Variants in RBFOX1 observed in about 807,000 individuals in gnomAD.
RBFOX1 encodes the protein RNA binding protein fox-1 homolog 1.
A neutral mutation model predicts 57.7 loss-of-function variants in RBFOX1; 8 were observed. That is an observed-to-expected ratio of 0.14 (90% confidence interval 0.08 to 0.25). The LOEUF (loss-of-function observed/expected upper bound fraction) is 0.25. RBFOX1 is among the 10% of genes least tolerant of loss of function. RBFOX1 has a pLI of 1.00. For synonymous variants in RBFOX1, 326 were observed against 222.4 expected (o/e 1.47, Z -4.15); for missense variants, 611 against 548.5 (o/e 1.11, Z -1.14).
chr16:7,540,772 A>G (rs1345309764), intron 5 of RBFOX1, among the ~76,000 whole-genome samples: 1 of 152,224 alleles, frequency 6.6e-6, no homozygotes, highest in Non-Finnish European at 1.5e-5. Flanking sequence ...TCATGTTGTC[A>G]TCCCAGCACT....
intron 3 of RBFOX1, among the ~76,000 whole-genome samples, chr16:6,694,039 T>G (rs1374096042): frequency 6.6e-6 from 1 of 152,272 alleles, no homozygotes; most frequent in African/African-American, 2.4e-5. Context: ...AGGCATGTGT[T>G]TGTCATATGT....
At chr16:6,962,215 A>C (rs758069519) in intron 3 of RBFOX1, among the ~76,000 whole-genome samples, 80 of 152,114 alleles carry the variant, frequency 5.3e-4, no homozygotes, top group Non-Finnish European at 9.0e-4. Context: ...GCTTGTTTGC[A>C]CATGGCCTTC....
chr16:6,396,529 G>T (rs1204802659), intron 2 of RBFOX1, among the ~76,000 whole-genome samples: 2 of 152,154 alleles, frequency 1.3e-5, no homozygotes, highest in Non-Finnish European at 2.9e-5. Flanking sequence ...GGCTCTAGGG[G>T]AGCCCGTGGG....
chr16:7,020,750 C>T (rs2038762790), intron 3 of RBFOX1, among the ~76,000 whole-genome samples: 4 of 152,090 alleles, frequency 2.6e-5, no homozygotes, highest in Admixed American at 2.6e-4. Context: ...GAACCATGAG[C>T]TCAGTGAAAT....
chr16:5,307,915 C>G (rs998377536), intron 1 of RBFOX1, among the ~76,000 whole-genome samples: 1 of 152,170 alleles, frequency 6.6e-6, no homozygotes, highest in African/African-American at 2.4e-5. Context: ...AGGCCTCAGG[C>G]AATCCTCCTG....
At chr16:7,413,695 C>T (rs1568736024) in intron 4 of RBFOX1, among the ~76,000 whole-genome samples, 1 of 151,954 alleles carries the variant, frequency 6.6e-6, no homozygotes, top group Admixed American at 6.6e-5. Context: ...GCGGGTGTGG[C>T]ATTCAGAAAT....
chr16:7,532,712 G>A (rs188056423), intron 5 of RBFOX1, among the ~76,000 whole-genome samples: 128 of 152,282 alleles, frequency 8.4e-4, no homozygotes, highest in African/African-American at 2.8e-3. Flanking sequence ...CGATGTTTTT[G>A]TCAATAAAGT....
At chr16:7,622,496 T>G (rs1186500918) in intron 10 of RBFOX1, among the ~76,000 whole-genome samples, 1 of 152,216 alleles carries the variant, frequency 6.6e-6, no homozygotes, top group African/African-American at 2.4e-5. Context: ...AGTGAGTCAT[T>G]AAAATTTTCA....
At chr16:5,977,633 G>C (rs1486824878) in intron 4 of RBFOX1, among the ~76,000 whole-genome samples, 2 of 152,096 alleles carry the variant, frequency 1.3e-5, no homozygotes, top group South Asian at 4.2e-4. Context: ...TGAGAGGGGA[G>C]AGCAGCCACA....
intron 11 of RBFOX1, among the ~76,000 whole-genome samples, chr16:7,648,113 T>C (rs114073116): frequency 0.012 from 1,846 of 152,300 alleles, 19 homozygotes; most frequent in Middle Eastern, 0.041. Context: ...TGGCAAACAG[T>C]TGTGTGTGTG....
chr16:6,049,215 C>T (rs532000850), intron 1 of RBFOX1, among the ~76,000 whole-genome samples: 6 of 151,930 alleles, frequency 3.9e-5, no homozygotes, highest in Non-Finnish European at 7.4e-5. Flanking sequence ...AGGTGCCCAC[C>T]ACCATGCCTG....
At chr16:6,720,868 C>T (rs1416871787) in intron 3 of RBFOX1, among the ~76,000 whole-genome samples, 4 of 152,152 alleles carry the variant, frequency 2.6e-5, no homozygotes, top group Non-Finnish European at 5.9e-5. Flanking sequence ...TTCATTCCCT[C>T]TCTTTGCACA....
At chr16:7,659,621 T>A (rs143837762) in intron 12 of RBFOX1, among the ~76,000 whole-genome samples, 166 of 152,318 alleles carry the variant, frequency 1.1e-3, no homozygotes, top group African/African-American at 3.7e-3. Flanking sequence ...TCTCATAATG[T>A]TTTAAGAAAG....
At chr16:6,032,007 A>AT (rs1032752062) in intron 1 of RBFOX1, among the ~76,000 whole-genome samples, 7 of 151,916 alleles carry the variant, frequency 4.6e-5, no homozygotes, top group Non-Finnish European at 7.4e-5. Context: ...ACTTTCAGAG[A>AT]TTTTTTTAAA....
intron 3 of RBFOX1, among the ~76,000 whole-genome samples, chr16:5,646,219 G>GTTTCACCGTGTTAGCCAGGA (rs2151345810): frequency 6.7e-6 from 1 of 148,540 alleles, no homozygotes; most frequent in Non-Finnish European, 1.5e-5. Flanking sequence ...TGGAGACAGG[G>GTTTCACCGTGTTAGCCAGGA]TTTCACCGTG....
At chr16:6,183,768 A>G (rs1406767874) in intron 1 of RBFOX1, among the ~76,000 whole-genome samples, 1 of 152,060 alleles carries the variant, frequency 6.6e-6, no homozygotes, top group Non-Finnish European at 1.5e-5. Context: ...GGGGTAGGGG[A>G]GAAAAAGAGA....
intron 1 of RBFOX1, among the ~76,000 whole-genome samples, chr16:5,352,776 C>G (rs981594981): frequency 6.6e-6 from 1 of 151,928 alleles, no homozygotes; most frequent in Non-Finnish European, 1.5e-5. Context: ...AAACCTGTCC[C>G]TACAAAAAAT....
At chr16:6,475,834 G>C (rs536726311) in intron 2 of RBFOX1, among the ~76,000 whole-genome samples, 1 of 152,094 alleles carries the variant, frequency 6.6e-6, no homozygotes, top group African/African-American at 2.4e-5. Context: ...TATTTCAATA[G>C]GTCATTACCA....
intron 2 of RBFOX1, among the ~76,000 whole-genome samples, chr16:6,588,596 G>T (rs1335868649): frequency 6.6e-6 from 1 of 152,112 alleles, no homozygotes; most frequent in East Asian, 1.9e-4. Flanking sequence ...AGGTTGCAGT[G>T]AGCCGAGATC....
Sources: allele counts gnomAD v4.1 joint callset (sites outside exome capture counted in the v4.1 genomes callset), GRCh38; gene constraint gnomAD v4.1.1; transcripts MANE v1.5; gene names NCBI Gene and HGNC (gene_info 2026-07-23, HGNC 2026-07-21).